The following CRHR1 variants were observed in gnomAD, a reference collection of about 807,000 sequenced individuals.
The protein encoded by CRHR1 is corticotropin releasing hormone receptor 1.
CRHR1 carries 28 observed loss-of-function variants against 56.0 expected under a neutral mutation model. The observed-to-expected ratio is 0.50, with a 90% confidence interval of 0.37 to 0.69. The LOEUF (loss-of-function observed/expected upper bound fraction) is 0.69, where lower values mean the gene tolerates loss of function less well. Among genes scored for constraint, CRHR1 ranks in the 30% least tolerant of loss-of-function variants. The pLI, the probability that CRHR1 is intolerant of heterozygous loss-of-function variation, is 0.00. For synonymous variants in CRHR1, 195 were observed against 216.5 expected (o/e 0.90, Z 0.87); for missense variants, 376 against 548.0 (o/e 0.69, Z 3.13).
intron 8 of CRHR1, among the ~76,000 whole-genome samples, chr17:45,832,364 C>A (rs1346638320): frequency 2.0e-5 from 3 of 152,214 alleles, no homozygotes; most frequent in Non-Finnish European, 4.4e-5. Context: ...AAACCAGAAA[C>A]GAACTTGCAG....
intron 2 of CRHR1, among the ~76,000 whole-genome samples, chr17:45,812,786 C>T (rs1286866937): frequency 6.6e-6 from 1 of 152,182 alleles, no homozygotes; most frequent in Non-Finnish European, 1.5e-5. Flanking sequence ...CCACCTCTCT[C>T]CTGGCCCACT....
intron 1 of CRHR1, among the ~76,000 whole-genome samples, chr17:45,804,598 G>A (rs1203277656): frequency 2.0e-5 from 3 of 152,056 alleles, no homozygotes; most frequent in Non-Finnish European, 4.4e-5. Context: ...ACATGGAAAA[G>A]GCAGGTCAGT....
At chr17:45,821,083 G>A (rs1411412488) in intron 3 of CRHR1, among the ~76,000 whole-genome samples, 2 of 152,210 alleles carry the variant, frequency 1.3e-5, no homozygotes, top group African/African-American at 4.8e-5. Flanking sequence ...GGTCAAGCCT[G>A]TCCACGGGCC....
At chr17:45,817,461 C>T (rs1401758637) in intron 3 of CRHR1, among the ~76,000 whole-genome samples, 1 of 152,252 alleles carries the variant, frequency 6.6e-6, no homozygotes, top group East Asian at 1.9e-4. Context: ...TACTCCAAGA[C>T]TCACTGTGTG....
At chr17:45,805,239 C>T (rs912355966) in intron 1 of CRHR1, among the ~76,000 whole-genome samples, 2 of 152,004 alleles carry the variant, frequency 1.3e-5, no homozygotes, top group Admixed American at 6.6e-5. Flanking sequence ...GATTTTTTGG[C>T]GTTAATCTTT....
chr17:45,823,142 CA>C (rs1226446573), intron 4 of CRHR1, among the ~76,000 whole-genome samples: 2,773 of 76,308 alleles, frequency 0.036, 58 homozygotes, highest in African/African-American at 0.11. Flanking sequence ...GACTCTGTCT[CA>C]AAAAAAAAAA....
At chr17:45,791,938 G>A (rs1383102805) in intron 1 of CRHR1, among the ~76,000 whole-genome samples, 3 of 150,574 alleles carry the variant, frequency 2.0e-5, no homozygotes, top group African/African-American at 7.4e-5. Flanking sequence ...ACCCGCACCT[G>A]CCACCTCCCT....
intron 1 of CRHR1, among the ~76,000 whole-genome samples, chr17:45,785,362 C>G (rs895036095): frequency 4.6e-5 from 7 of 152,254 alleles, no homozygotes; most frequent in African/African-American, 1.7e-4. Context: ...GCCGGGAGGC[C>G]GGCAGTCCGG....
In CRHR1 at chr17:45,830,452, C is replaced by A. The variant is rs755743910; in HGVS notation, c.591C>A (p.Tyr197Ter). The change falls in exon 7 of 13, where the codon TAC becomes TAA. Residue 197 changes from tyrosine to a stop codon, truncating the protein, a stop_gained. Transcript: ENST00000314537. LOFTEE classifies it high-confidence loss of function. ...WCRLVTAAYN[Y>*]FHVTNFFWMF... The stretch of plus-strand genomic sequence containing the variant: ...GGTTGGTGACAGCCGCCTACAACTA[C>A]TTCCATGTGACCAACTTCTTCTGGA... The A allele has an allele frequency of 6.2e-7, 1 of 1,613,510 alleles. No individual in the cohort carries two copies. The highest frequency in any genetic ancestry group is 8.5e-7 in the Non-Finnish European group (1 of 1,179,896).
At chr17:45,822,744 G>T (rs1048806935) in intron 4 of CRHR1, among the ~76,000 whole-genome samples, 1 of 151,760 alleles carries the variant, frequency 6.6e-6, no homozygotes, top group East Asian at 1.9e-4. Context: ...CCAGCTACAC[G>T]GGAGGCTGAG....
intron 1 of CRHR1, among the ~76,000 whole-genome samples, chr17:45,802,845 G>A (rs554912753): frequency 2.0e-5 from 3 of 152,300 alleles, no homozygotes; most frequent in Non-Finnish European, 2.9e-5. Context: ...CTCTGTGCAC[G>A]CCAGGACATT....
At chr17:45,832,218 T>G (rs985985429) in intron 8 of CRHR1, among the ~76,000 whole-genome samples, 1 of 151,854 alleles carries the variant, frequency 6.6e-6, no homozygotes, top group Non-Finnish European at 1.5e-5. Context: ...GGCAACAGAG[T>G]GAGACTCCAT....
At chr17:45,788,030 C>T (rs868577888) in intron 1 of CRHR1, among the ~76,000 whole-genome samples, 4 of 152,216 alleles carry the variant, frequency 2.6e-5, no homozygotes, top group South Asian at 2.1e-4. Flanking sequence ...CCAGTGAGGA[C>T]GAGCTCAAGT....
chr17:45,827,231 A>G (rs1280685915), intron 4 of CRHR1: 1 of 152,244 alleles, frequency 6.6e-6, no homozygotes, highest in Non-Finnish European at 1.5e-5. Flanking sequence ...TCCCCACTCC[A>G]ACCCCAAGGG....
In CRHR1 at chr17:45,829,674, AGGATGCAGGTGGCAGAGCCGG is replaced by A. The variant is rs575107034; in HGVS notation, c.434+359_434+379del. 2.9e-4 allele frequency: 441 copies of A among 1,545,836 alleles called. 5 individuals carry two copies. In the South Asian group the frequency reaches 5.1e-3, roughly 18 times the overall value. On this transcript the variant is annotated intron_variant, in intron 5 of 12. Coordinates refer to ENST00000314537, the MANE Select transcript of CRHR1 (RefSeq NM_004382.5). ...TACCTGGGCCCCAGCACTACCGCCA[AGGATGCAGGTGGCAGAGCCGG>A]GGATGGGGATGGTTGGGATCAGGAG...
At chr17:45,809,164 G>A (rs1343943332) in intron 2 of CRHR1, among the ~76,000 whole-genome samples, 4 of 151,718 alleles carry the variant, frequency 2.6e-5, no homozygotes, top group African/African-American at 9.8e-5. Flanking sequence ...ACCAGTAGGT[G>A]GGTTTGGCGG....
At chr17:45,815,075 G>A (rs1461566344) in intron 2 of CRHR1, among the ~76,000 whole-genome samples, 3 of 152,262 alleles carry the variant, frequency 2.0e-5, no homozygotes, top group Non-Finnish European at 4.4e-5. Flanking sequence ...GCTAATTTGG[G>A]GAGGAGATGG....
At chr17:45,789,317 A>G (rs1273564415) in intron 1 of CRHR1, among the ~76,000 whole-genome samples, 1 of 152,180 alleles carries the variant, frequency 6.6e-6, no homozygotes, top group African/African-American at 2.4e-5. Flanking sequence ...GTTAACTACA[A>G]ATCATTCTTG....
chr17:45,829,427 G>A, intron 5 of CRHR1, 106 bp downstream of exon 5: 1 of 1,339,824 alleles, frequency 7.5e-7, no homozygotes, highest in South Asian at 1.3e-5. Flanking sequence ...GTTGCTGGGA[G>A]AGGGTGGCAG....
Sources: gnomAD v4.1 joint callset for allele counts (sites outside exome capture counted in the v4.1 genomes callset) on GRCh38, gnomAD v4.1.1 for gene constraint, MANE v1.5 for transcripts, NCBI Gene and HGNC (gene_info 2026-07-23, HGNC 2026-07-21) for gene names.